Variants in RGS6 observed in about 807,000 individuals in gnomAD.
RGS6 encodes regulator of G protein signaling 6.
In RGS6, 30 loss-of-function variants were observed where a neutral mutation model predicts 78.5. The observed-to-expected ratio is 0.38, with a 90% CI of 0.29 to 0.52. The LOEUF is 0.52. RGS6 is among the 20% of genes least tolerant of loss of function. The pLI, the probability that RGS6 is intolerant of heterozygous loss-of-function variation, is 0.85. For synonymous variants in RGS6, 206 were observed against 206.0 expected (o/e 1.00, Z 0.00); for missense variants, 495 against 609.7 (o/e 0.81, Z 1.98).
intron 17 of RGS6, among the ~76,000 whole-genome samples, chr14:72,558,360 A>G (rs934576018): frequency 1.3e-5 from 2 of 152,050 alleles, no homozygotes; most frequent in African/African-American, 2.4e-5. Flanking sequence ...GTATGCCCCA[A>G]TCTGACCCCC....
At chr14:72,086,149 CTG>C (rs1248219839) in intron 2 of RGS6, among the ~76,000 whole-genome samples, 1 of 152,198 alleles carries the variant, frequency 6.6e-6, no homozygotes, top group East Asian at 1.9e-4. Flanking sequence ...TCCAGTTAAG[CTG>C]TGTGCATCCA....
chr14:72,374,564 C>G (rs1443889958), intron 3 of RGS6, among the ~76,000 whole-genome samples: 1 of 152,162 alleles, frequency 6.6e-6, no homozygotes, highest in East Asian at 1.9e-4. Flanking sequence ...CCCCAGCTAC[C>G]AGGAAGAAGC....
At chr14:72,573,921 A>G in the RGS6 span, among the ~76,000 whole-genome samples, 1 of 152,372 alleles carries the variant, frequency 6.6e-6, no homozygotes, top group South Asian at 2.1e-4. Flanking sequence ...GACTTTGCCA[A>G]GGTGAACTCA....
intron 2 of RGS6, among the ~76,000 whole-genome samples, chr14:72,349,610 A>T (rs150173709): frequency 6.6e-6 from 1 of 152,166 alleles, no homozygotes; most frequent in African/African-American, 2.4e-5. Flanking sequence ...AGTTGAGGGG[A>T]TTGTTTTTTT....
chr14:72,056,685 C>T (rs916911133), intron 2 of RGS6, among the ~76,000 whole-genome samples: 1 of 152,200 alleles, frequency 6.6e-6, no homozygotes, highest in South Asian at 2.1e-4. Context: ...CCCTCCCCTG[C>T]CACCCCACAG....
chr14:72,443,579 C>T (rs897811097), intron 3 of RGS6, among the ~76,000 whole-genome samples: 3 of 152,192 alleles, frequency 2.0e-5, no homozygotes, highest in African/African-American at 7.2e-5. Context: ...CTCAAGAAAG[C>T]CTTAGCCCCC....
chr14:72,185,948 T>G (rs149647), intron 2 of RGS6, among the ~76,000 whole-genome samples: 18,607 of 152,250 alleles, frequency 0.12, 1,389 homozygotes, highest in East Asian at 0.35. Context: ...AAATTATAAT[T>G]CGTACATAAT....
chr14:72,191,807 A>G (rs1401698179), intron 2 of RGS6, among the ~76,000 whole-genome samples: 1 of 152,202 alleles, frequency 6.6e-6, no homozygotes, highest in Non-Finnish European at 1.5e-5. Flanking sequence ...TTTGGTGGTC[A>G]TGTCCATCCC....
At position 72,495,402 on chromosome 14, in the gene RGS6, T is replaced by G. The variant is rs75791090; in HGVS notation, c.965+140T>G. On this transcript the variant is annotated intron_variant, in intron 13 of 17. Coordinates refer to ENST00000553525, the MANE Select transcript of RGS6 (RefSeq NM_001204424.2). Reference sequence around the variant, plus strand: ...CCCCTCAAGTAGCCTCCCAGCTGAGTTCTACTTACAGTTTCTACCTCCTTA... The same window carrying G: ...CCCCTCAAGTAGCCTCCCAGCTGAGGTCTACTTACAGTTTCTACCTCCTTA... 4.0e-3 allele frequency: 2,620 copies of G among 649,598 alleles called. 14 individuals are homozygous for G. Among genetic ancestry groups the G allele is most frequent in the Middle Eastern group, 0.015 (39 of 2,642 alleles). 40.2% of individuals were successfully genotyped at this position (649,598 alleles called of 1,614,324 possible). A position where few individuals can be genotyped will look rare whatever the true frequency, so the allele number is the denominator to read the frequency against.
chr14:71,961,463 A>C (rs2093192503), intron 1 of RGS6, among the ~76,000 whole-genome samples: 1 of 152,138 alleles, frequency 6.6e-6, no homozygotes, highest in Non-Finnish European at 1.5e-5. Flanking sequence ...GCTTTCCACT[A>C]TGCTGGGGCT....
intron 2 of RGS6, among the ~76,000 whole-genome samples, chr14:72,308,765 G>A (rs1312061339): frequency 6.6e-6 from 1 of 152,178 alleles, no homozygotes; most frequent in Non-Finnish European, 1.5e-5. Flanking sequence ...CTAGCCAAAA[G>A]GGGGTGCAAT....
the RGS6 span, among the ~76,000 whole-genome samples, chr14:71,891,139 T>C: frequency 6.6e-6 from 1 of 152,350 alleles, no homozygotes; most frequent in African/African-American, 2.4e-5. Flanking sequence ...ATGCAGTTCA[T>C]AGAATATTGT....
At chr14:72,471,242 G>A (rs1347897149) in intron 8 of RGS6, among the ~76,000 whole-genome samples, 2 of 152,072 alleles carry the variant, frequency 1.3e-5, no homozygotes, top group Non-Finnish European at 1.5e-5. Flanking sequence ...GATACATAGT[G>A]GACATTTCTT....
chr14:71,875,984 G>A, the RGS6 span, among the ~76,000 whole-genome samples: 1 of 152,138 alleles, frequency 6.6e-6, no homozygotes, highest in Non-Finnish European at 1.5e-5. Flanking sequence ...CTGAGTTCTA[G>A]TTTGATTGCA....
intron 2 of RGS6, among the ~76,000 whole-genome samples, chr14:72,227,439 C>T (rs1375497180): frequency 2.6e-5 from 4 of 152,052 alleles, no homozygotes; most frequent in Admixed American, 2.6e-4. Context: ...AATCTGGAGA[C>T]ATCTAAATTA....
chr14:72,555,200 G>T (rs534668584), intron 17 of RGS6, among the ~76,000 whole-genome samples: 1 of 152,202 alleles, frequency 6.6e-6, no homozygotes, highest in African/African-American at 2.4e-5. Context: ...CCTCCCTGGG[G>T]CATTTGCCAT....
At chr14:71,874,458 T>C in the RGS6 span, among the ~76,000 whole-genome samples, 9 of 152,198 alleles carry the variant, frequency 5.9e-5, no homozygotes, top group African/African-American at 2.2e-4. Flanking sequence ...GTTGGTGGTG[T>C]ATAGGAATGC....
chr14:72,455,223 C>A, intron 4 of RGS6, among the ~76,000 whole-genome samples: 1 of 152,098 alleles, frequency 6.6e-6, no homozygotes, highest in Non-Finnish European at 1.5e-5. Context: ...TCAGTTAATA[C>A]TTTTCCGAAT....
At chr14:72,056,187 TGGGGGGATGTG>T (rs2093609604) in intron 2 of RGS6, among the ~76,000 whole-genome samples, 1 of 152,094 alleles carries the variant, frequency 6.6e-6, no homozygotes, top group South Asian at 2.1e-4. Flanking sequence ...CATTTACAGA[TGGGGGGATGTG>T]AAGCCCAGAG....
Sources: gnomAD v4.1 joint callset for allele counts (sites outside exome capture counted in the v4.1 genomes callset) on GRCh38, gnomAD v4.1.1 for gene constraint, MANE v1.5 for transcripts, NCBI Gene and HGNC (gene_info 2026-07-23, HGNC 2026-07-21) for gene names.